The following ELOVL5 variants were observed in gnomAD, a reference collection of about 807,000 sequenced individuals.
ELOVL5 encodes very long chain fatty acid elongase 5.
ELOVL5 carries 8 observed loss-of-function variants against 38.6 expected under a neutral mutation model. The observed-to-expected ratio is 0.21, with a 90% CI of 0.12 to 0.37. The LOEUF is 0.37. Ranked by LOEUF, ELOVL5 falls within the 10% of genes least tolerant of loss-of-function variation. The probability of loss-of-function intolerance (pLI) is 1.00; values close to 1 mark genes in which losing one functional copy is unlikely to be tolerated. For synonymous variants in ELOVL5, 127 were observed against 133.7 expected (o/e 0.95, Z 0.34); for missense variants, 280 against 367.8 (o/e 0.76, Z 1.95).
At position 53,315,211 on chromosome 6, in the gene ELOVL5, A is replaced by G. The variant is rs142381663; in HGVS notation, c.-8-19504T>C. On this transcript the variant is annotated intron_variant, in intron 1 of 7. Transcript: ENST00000304434. ...TGTATCCTCCTGGGGACTTGGGGAC[A>G]TGGGGATGGGTAGAGAGAGTACTGG... 1.3e-3 allele frequency among the ~76,000 whole-genome samples: 191 copies of G among 152,270 alleles called. No homozygotes were observed. In the Middle Eastern group the frequency reaches 0.017, roughly 14 times the overall value.
At chr6:53,324,691 A>AAAAAAAAAAAAAAAAAAAAAAAAAC (rs70980840) in intron 1 of ELOVL5, among the ~76,000 whole-genome samples, 1 of 118,060 alleles carries the variant, frequency 8.5e-6, no homozygotes, top group Non-Finnish European at 1.7e-5. Context: ...AAAAAAAAAA[A>AAAAAAAAAAAAAAAAAAAAAAAAAC]GGAAAAGAAA....
chr6:53,341,709 T>A (rs974413178), intron 1 of ELOVL5, among the ~76,000 whole-genome samples: 3 of 152,228 alleles, frequency 2.0e-5, no homozygotes, highest in Non-Finnish European at 4.4e-5. Context: ...TGTAGCATGA[T>A]TTATTCTTTT....
At chr6:53,323,638 A>AGT (rs1768388030) in intron 1 of ELOVL5, among the ~76,000 whole-genome samples, 1 of 123,170 alleles carries the variant, frequency 8.1e-6, no homozygotes, top group South Asian at 2.7e-4. Context: ...GCTGAAATGC[A>AGT]GTGGCGTGAT....
intron 3 of ELOVL5, among the ~76,000 whole-genome samples, chr6:53,280,267 C>T (rs1386028817): frequency 7.2e-5 from 11 of 152,194 alleles, no homozygotes; most frequent in Non-Finnish European, 1.5e-4. Context: ...CAGGCCATCA[C>T]AAACAGCTAA....
intron 1 of ELOVL5, among the ~76,000 whole-genome samples, chr6:53,329,121 T>C (rs1331816225): frequency 6.6e-6 from 1 of 152,138 alleles, no homozygotes; most frequent in African/African-American, 2.4e-5. Flanking sequence ...GAAGGAAAAA[T>C]GTTTTTATAA....
chr6:53,269,357 G>T, intron 7 of ELOVL5, 87 bp from the exon 8 acceptor site: 1 of 1,060,154 alleles, frequency 9.4e-7, no homozygotes, highest in Non-Finnish European at 1.3e-6. Context: ...CTAACACTAG[G>T]CCTAGTTTCA....
At chr6:53,278,550 G>C (rs1344491690) in intron 3 of ELOVL5, among the ~76,000 whole-genome samples, 1 of 152,180 alleles carries the variant, frequency 6.6e-6, no homozygotes, top group Admixed American at 6.5e-5. Context: ...AAATGGGGCA[G>C]GGGAATCCAT....
At chr6:53,306,157 C>T (rs548586836) in intron 1 of ELOVL5, among the ~76,000 whole-genome samples, 14 of 146,824 alleles carry the variant, frequency 9.5e-5, no homozygotes, top group Admixed American at 2.0e-4. Context: ...GGCAGCAGCA[C>T]AGTCCAGCTT....
At chr6:53,302,644 C>T (rs191551421) in intron 1 of ELOVL5, among the ~76,000 whole-genome samples, 1 of 140,886 alleles carries the variant, frequency 7.1e-6, no homozygotes, top group East Asian at 2.0e-4. Context: ...TAAAAATATA[C>T]ATTATAGTAA....
At position 53,269,171 on chromosome 6, in the gene ELOVL5, G is replaced by T. The variant is rs1402328770; in HGVS notation, c.856C>A (p.Pro286Thr). The change falls in exon 8 of 8, where the codon CCC becomes ACC. Residue 286 changes from proline to threonine, a missense_variant. This residue lies in a region of ELOVL5 where 125 missense variants were observed against 158.9 expected (regional missense o/e 0.79). Coordinates refer to ENST00000304434, the MANE Select transcript of ELOVL5 (RefSeq NM_021814.5). ...AVNGHTNSFS[P>T]LENNVKPRKL... ...CTTGGCTTCACATTGTTTTCCAGGG[G>T]TGAAAAGCTGTTGGTGTGTCCATTC... 4 of 1,613,888 alleles carry T rather than the reference G, an allele frequency of 2.5e-6. No individual in the cohort carries two copies. Among genetic ancestry groups the T allele is most frequent in the Non-Finnish European group, 3.4e-6 (4 of 1,179,956 alleles).
chr6:53,294,472 G>C, intron 2 of ELOVL5: 1 of 1,550,316 alleles, frequency 6.5e-7, no homozygotes. Context: ...GACCCATTCT[G>C]AGGACAGAGC....
chr6:53,286,356 A>G (rs1766570838), intron 3 of ELOVL5, among the ~76,000 whole-genome samples: 1 of 152,110 alleles, frequency 6.6e-6, no homozygotes, highest in Admixed American at 6.5e-5. Flanking sequence ...TGAGTCCAGG[A>G]GTTTGAGATC....
intron 1 of ELOVL5, among the ~76,000 whole-genome samples, chr6:53,342,669 A>G (rs1266161861): frequency 6.6e-6 from 1 of 152,236 alleles, no homozygotes; most frequent in Non-Finnish European, 1.5e-5. Flanking sequence ...TATTCTCCCA[A>G]TTAGAGAAAG....
intron 3 of ELOVL5, among the ~76,000 whole-genome samples, chr6:53,288,667 G>T (rs577910760): frequency 6.6e-6 from 1 of 152,018 alleles, no homozygotes; most frequent in Non-Finnish European, 1.5e-5. Flanking sequence ...TTTTAAACTC[G>T]GTTTCACAGT....
intron 1 of ELOVL5, among the ~76,000 whole-genome samples, chr6:53,321,575 A>G (rs1242719438): frequency 6.6e-6 from 1 of 152,206 alleles, no homozygotes; most frequent in Non-Finnish European, 1.5e-5. Context: ...ATGCATTGAA[A>G]AATTCCTTTT....
chr6:53,334,246 A>C (rs1253166822), intron 1 of ELOVL5, among the ~76,000 whole-genome samples: 1 of 152,160 alleles, frequency 6.6e-6, no homozygotes, highest in East Asian at 1.9e-4. Context: ...TTGGGGCTTC[A>C]GCCTCCCAAA....
At chr6:53,337,868 A>G (rs1769143380) in intron 1 of ELOVL5, among the ~76,000 whole-genome samples, 1 of 152,222 alleles carries the variant, frequency 6.6e-6, no homozygotes, top group Non-Finnish European at 1.5e-5. Flanking sequence ...AGTATGAATG[A>G]GTAATACTTG....
intron 1 of ELOVL5, among the ~76,000 whole-genome samples, chr6:53,311,062 C>A (rs907241595): frequency 6.6e-6 from 1 of 152,152 alleles, no homozygotes; most frequent in African/African-American, 2.4e-5. Context: ...GCTAAATGAG[C>A]TGACAGGTGA....
At chr6:53,318,748 AAAAAT>A (rs1252661794) in intron 1 of ELOVL5, among the ~76,000 whole-genome samples, 2 of 152,294 alleles carry the variant, frequency 1.3e-5, no homozygotes, top group African/African-American at 2.4e-5. Context: ...TCAAAAAGAT[AAAAAT>A]AAAATAAAAC....
Sources: gnomAD v4.1 joint callset for allele counts (sites outside exome capture counted in the v4.1 genomes callset) on GRCh38, gnomAD v4.1.1 for gene constraint, gnomAD v4.1.1 regional missense constraint, MANE v1.5 for transcripts, NCBI Gene and HGNC (gene_info 2026-07-23, HGNC 2026-07-21) for gene names.